Variants in RBFOX3 observed in about 807,000 individuals in gnomAD.
RBFOX3 encodes RNA binding protein fox-1 homolog 3.
RBFOX3 carries 17 observed loss-of-function variants against 48.7 expected under a neutral mutation model. The ratio of observed to expected loss-of-function variants is 0.35; its 90% CI spans 0.24 to 0.52. RBFOX3 has a LOEUF of 0.52. Ranked by LOEUF, RBFOX3 falls within the 20% of genes least tolerant of loss-of-function variation. The pLI is 0.94. For synonymous variants in RBFOX3, 212 were observed against 209.5 expected (o/e 1.01, Z -0.10); for missense variants, 382 against 497.5 (o/e 0.77, Z 2.21).
At chr17:79,185,364 T>TG (rs1024626558) in intron 4 of RBFOX3, among the ~76,000 whole-genome samples, 35 of 152,066 alleles carry the variant, frequency 2.3e-4, no homozygotes, top group Non-Finnish European at 3.2e-4. Context: ...AGGACAGTGG[T>TG]GGGGGTCCCA....
intron 1 of RBFOX3, among the ~76,000 whole-genome samples, chr17:79,580,019 G>A (rs2093002221): frequency 1.3e-5 from 2 of 152,012 alleles, no homozygotes; most frequent in South Asian, 4.2e-4. Flanking sequence ...TCTCTAAAAT[G>A]GGAACTGGTG....
At chr17:79,227,838 G>A (rs1225052815) in intron 4 of RBFOX3, among the ~76,000 whole-genome samples, 2 of 152,206 alleles carry the variant, frequency 1.3e-5, no homozygotes, top group African/African-American at 4.8e-5. Context: ...CAAGGCCAGC[G>A]AGGTCCTGAA....
intron 4 of RBFOX3, among the ~76,000 whole-genome samples, chr17:79,156,569 G>A (rs1382150616): frequency 2.0e-5 from 3 of 152,194 alleles, no homozygotes; most frequent in Admixed American, 6.5e-5. Context: ...CCAGGGATAC[G>A]CACAATTCAG....
At chr17:79,381,233 C>T (rs553141862) in intron 2 of RBFOX3, among the ~76,000 whole-genome samples, 1 of 148,700 alleles carries the variant, frequency 6.7e-6, no homozygotes, top group African/African-American at 2.5e-5. Flanking sequence ...GCATTCCAGC[C>T]TGGATGACAG....
chr17:79,542,059 T>C (rs2089792070), intron 1 of RBFOX3, among the ~76,000 whole-genome samples: 1 of 151,930 alleles, frequency 6.6e-6, no homozygotes, highest in South Asian at 2.1e-4. Flanking sequence ...TTTCATGTAT[T>C]GTTTATCGTG....
rs139632988 is a variant in RBFOX3, at chr17:79,197,100, G to T, written c.-34+38666C>A. On this transcript the variant is annotated intron_variant, in intron 4 of 14. Coordinates refer to ENST00000693108, the MANE Select transcript of RBFOX3 (RefSeq NM_001350451.2). ...GTTGTTTTAAGGCTGTGCCCATGTG[G>T]GTGGCTGGGCACGCGTGGGTAAAAT... Among the ~76,000 whole-genome samples the T allele has an allele frequency of 5.9e-5, 9 of 152,306 alleles. No homozygotes were observed. The East Asian group carries it at 1.7e-3, about 29-fold the overall frequency.
At chr17:79,280,521 C>G (rs552697282) in intron 3 of RBFOX3, among the ~76,000 whole-genome samples, 341 of 152,314 alleles carry the variant, frequency 2.2e-3, no homozygotes, top group Non-Finnish European at 4.0e-3. Context: ...GCTCCAAGTT[C>G]CATGGAGGGG....
At chr17:79,263,211 T>C (rs2066095900) in intron 3 of RBFOX3, among the ~76,000 whole-genome samples, 1 of 152,232 alleles carries the variant, frequency 6.6e-6, no homozygotes, top group Non-Finnish European at 1.5e-5. Context: ...GCTCAGGCTC[T>C]GGAAACACTC....
At chr17:79,426,413 A>G (rs2067387293) in intron 2 of RBFOX3, among the ~76,000 whole-genome samples, 2 of 152,218 alleles carry the variant, frequency 1.3e-5, no homozygotes, top group Admixed American at 1.3e-4. Context: ...GGCATCCCTG[A>G]GAGGTGACAA....
chr17:79,575,359 AG>A (rs2092823891), intron 1 of RBFOX3, among the ~76,000 whole-genome samples: 2 of 152,172 alleles, frequency 1.3e-5, no homozygotes, highest in South Asian at 4.1e-4. Flanking sequence ...GCCACTTTCC[AG>A]GGCCCTGAGG....
intron 1 of RBFOX3, among the ~76,000 whole-genome samples, chr17:79,527,538 T>G (rs1345607607): frequency 2.0e-5 from 3 of 152,220 alleles, no homozygotes; most frequent in Non-Finnish European, 4.4e-5. Flanking sequence ...TCGTGTCTAT[T>G]TTAGTGGCTG....
Position 79,479,361 on chromosome 17 carries a change from C to T in RBFOX3, c.-175+3093G>A, listed in dbSNP as rs934170037. Among the ~76,000 whole-genome samples the T allele has an allele frequency of 2.6e-5, 4 of 152,132 alleles. No individual in the cohort carries two copies. Among genetic ancestry groups the T allele is most frequent in the Non-Finnish European group, 5.9e-5 (4 of 68,016 alleles). ...ACATGGCCCTCTTCCTTCAGACACC[C>T]GCCATCCACCATCCTGAAGGTGAAT... On this transcript the variant is annotated intron_variant, in intron 2 of 14. Transcript: ENST00000693108. The surrounding 1 kb of genome is among the most constrained non-coding windows in gnomAD (Gnocchi z 5.1).
intron 2 of RBFOX3, among the ~76,000 whole-genome samples, chr17:79,453,880 AG>A (rs1420429385): frequency 5.3e-5 from 8 of 152,254 alleles, no homozygotes; most frequent in African/African-American, 1.7e-4. Flanking sequence ...AGGAGAGGAA[AG>A]GGGGCTGACT....
chr17:79,625,367 G>A, the RBFOX3 span, among the ~76,000 whole-genome samples: 2 of 152,198 alleles, frequency 1.3e-5, no homozygotes, highest in African/African-American at 2.4e-5. Flanking sequence ...TTGCTGAGTA[G>A]TATTCCATCG....
chr17:79,597,935 CA>C (rs2093607789), intron 1 of RBFOX3: 2 of 152,482 alleles, frequency 1.3e-5, no homozygotes, highest in African/African-American at 4.8e-5. Context: ...TTTTGGACTG[CA>C]TGGGCCACAT....
Position 79,366,023 on chromosome 17 carries a change from G to C in RBFOX3, c.-174-58199C>G, listed in dbSNP as rs575076744. 8.5e-5 allele frequency among the ~76,000 whole-genome samples: 13 copies of C among 152,376 alleles called. No individual in the cohort carries two copies. The East Asian group carries it at 2.3e-3, about 27-fold the overall frequency. ...TCTGAAACCAGGAGGGCAGCACACA[G>C]GGATGCTTCTGCCCACAGGGGACAC... On this transcript the variant is annotated intron_variant, in intron 2 of 14. Coordinates refer to ENST00000693108, the MANE Select transcript of RBFOX3 (RefSeq NM_001350451.2).
chr17:79,113,820 C>T (rs1211219855), intron 5 of RBFOX3, among the ~76,000 whole-genome samples: 1 of 152,176 alleles, frequency 6.6e-6, no homozygotes, highest in Non-Finnish European at 1.5e-5. Context: ...GCCTCAGTGC[C>T]AATTCAGTGC....
chr17:79,242,127 C>A lies in RBFOX3; in HGVS notation c.-73-6322G>T, dbSNP rs758960627. On this transcript the variant is annotated intron_variant, in intron 3 of 14. Transcript: ENST00000693108. The surrounding 1 kb of genome is among the most constrained non-coding windows in gnomAD (Gnocchi z 5.8). ...CAGAGTAGATTTATTTGGCATTGTA[C>A]GAGTTCCTGCAGCAGAGGCACTGGT... Among the ~76,000 whole-genome samples the A allele has an allele frequency of 6.6e-6, 1 of 152,122 alleles. No homozygotes were observed. The highest frequency in any genetic ancestry group is 2.4e-5 in the African/African-American group (1 of 41,422).
chr17:79,522,929 CAAAAA>C (rs34245309), intron 1 of RBFOX3, among the ~76,000 whole-genome samples: 1,673 of 31,802 alleles, frequency 0.053, 11 homozygotes, highest in African/African-American at 0.092. Context: ...GACTCCGTCT[CAAAAA>C]AAAAAAAAAA....
Sources: allele counts gnomAD v4.1 joint callset (sites outside exome capture counted in the v4.1 genomes callset), GRCh38; gene constraint gnomAD v4.1.1; non-coding constraint Gnocchi (gnomAD v3.1); transcripts MANE v1.5; gene names NCBI Gene and HGNC (gene_info 2026-07-23, HGNC 2026-07-21).